Variants in USH2A observed in about 807,000 individuals in gnomAD.
The protein encoded by USH2A is Usher syndrome 2A (autosomal recessive, mild).
USH2A carries 443 observed loss-of-function variants against 538.9 expected under a neutral mutation model. That is an observed-to-expected ratio of 0.82 (90% confidence interval 0.76 to 0.89). The LOEUF (loss-of-function observed/expected upper bound fraction) is 0.89, where lower values mean the gene tolerates loss of function less well. USH2A is among the 40% of genes least tolerant of loss of function. The pLI is 0.00. For missense variants in USH2A, 6,633 were observed against 6,324.8 expected (o/e 1.05, Z -1.65); for synonymous variants, 2,413 against 2,273.5 (o/e 1.06, Z -1.75).
intron 4 of USH2A, among the ~76,000 whole-genome samples, chr1:216,357,163 T>G (rs1321789241): frequency 6.6e-6 from 1 of 152,134 alleles, no homozygotes; most frequent in Non-Finnish European, 1.5e-5. Flanking sequence ...TTTTACTTAG[T>G]ATGGTTGAGA....
rs760845108 is a variant in USH2A, at chr1:216,072,965, G to T, written c.5781C>A (p.Tyr1927Ter). ...CATGCGAGGCTATCACTCGATACAG[G>T]TATTCTTAAATGGAAATAAGATGCA... is the stretch of plus-strand genomic sequence containing the variant. ...YEGGLQPFTE[Y>*]LYRVIASHEG... The change falls in exon 29 of 72, where the codon TAC becomes TAA. Residue 1927 changes from tyrosine (Y) to a stop codon, truncating the protein, a stop_gained. Coordinates refer to ENST00000307340, the MANE Select transcript of USH2A (RefSeq NM_206933.4). LOFTEE classifies it high-confidence loss of function. 1 of 1,613,880 alleles carries T rather than the reference G, an allele frequency of 6.2e-7. No individual in the cohort carries two copies. Among genetic ancestry groups the T allele is most frequent in the Non-Finnish European group, 8.5e-7 (1 of 1,179,866 alleles).
chr1:216,270,541 T>C (rs1298120096), intron 11 of USH2A, among the ~76,000 whole-genome samples: 1 of 152,116 alleles, frequency 6.6e-6, no homozygotes, highest in Non-Finnish European at 1.5e-5. Context: ...ATGCACTCTG[T>C]GAGTTTTGAA....
chr1:215,680,090 G>T (rs1658174430), intron 62 of USH2A, 59 bp downstream of exon 62: 1 of 1,549,358 alleles, frequency 6.5e-7, no homozygotes, highest in African/African-American at 1.4e-5. Context: ...GGCATGTCAG[G>T]GCTCATCTAT....
At chr1:216,114,903 C>T (rs1181565153) in intron 21 of USH2A, among the ~76,000 whole-genome samples, 1 of 151,966 alleles carries the variant, frequency 6.6e-6, no homozygotes, top group Non-Finnish European at 1.5e-5. Flanking sequence ...TAGATAGATA[C>T]AGATACATAG....
chr1:216,362,960 T>G (rs929425006), intron 4 of USH2A, among the ~76,000 whole-genome samples: 6 of 150,836 alleles, frequency 4.0e-5, no homozygotes, highest in African/African-American at 1.2e-4. Context: ...AATAATAAAA[T>G]AATAATATTA....
intron 3 of USH2A, among the ~76,000 whole-genome samples, chr1:216,414,084 C>A (rs1178659598): frequency 6.6e-6 from 1 of 152,070 alleles, no homozygotes; most frequent in Non-Finnish European, 1.5e-5. Flanking sequence ...CAAAGGAAAT[C>A]TTATAACTAC....
chr1:216,202,423 T>A (rs1006908297), intron 16 of USH2A, among the ~76,000 whole-genome samples: 3 of 152,202 alleles, frequency 2.0e-5, no homozygotes, highest in African/African-American at 7.2e-5. Context: ...GTGAAAGATA[T>A]AAAAGCATTT....
intron 9 of USH2A, among the ~76,000 whole-genome samples, chr1:216,303,109 A>G (rs1430853944): frequency 6.6e-6 from 1 of 151,910 alleles, no homozygotes; most frequent in Non-Finnish European, 1.5e-5. Flanking sequence ...TTATTTATGG[A>G]TTGTTCAGGG....
At chr1:216,110,843 T>C (rs1258271729) in intron 21 of USH2A, among the ~76,000 whole-genome samples, 1 of 152,176 alleles carries the variant, frequency 6.6e-6, no homozygotes, top group Non-Finnish European at 1.5e-5. Flanking sequence ...TAAATGTTCA[T>C]AGAAAGGAAG....
At chr1:215,814,060 CATTCGA>C (rs1313885621) in intron 48 of USH2A, among the ~76,000 whole-genome samples, 156 bp from the exon 49 acceptor site, 1 of 151,454 alleles carries the variant, frequency 6.6e-6, no homozygotes, top group Non-Finnish European at 1.5e-5. Context: ...TTTCCAGGAT[CATTCGA>C]ATTTTATAAA....
intron 61 of USH2A, among the ~76,000 whole-genome samples, chr1:215,710,092 T>C (rs2246472): frequency 0.93 from 141,713 of 152,268 alleles, 66,135 homozygotes; most frequent in East Asian, 1. Flanking sequence ...TATGGGTACA[T>C]AGGGAACTCC....
intron 21 of USH2A, among the ~76,000 whole-genome samples, chr1:216,155,599 A>G (rs2033921932): frequency 6.6e-6 from 1 of 152,130 alleles, no homozygotes; most frequent in Non-Finnish European, 1.5e-5. Context: ...TCTGCCCACT[A>G]AATTATCCAT....
At chr1:216,405,196 AT>A (rs1443797371) in intron 3 of USH2A, among the ~76,000 whole-genome samples, 2 of 152,306 alleles carry the variant, frequency 1.3e-5, no homozygotes, top group South Asian at 2.1e-4. Flanking sequence ...AATAAAAAAA[AT>A]CTTTTAGAAA....
chr1:215,916,861 C>T (rs1167343351), intron 38 of USH2A, among the ~76,000 whole-genome samples: 5 of 152,088 alleles, frequency 3.3e-5, no homozygotes, highest in African/African-American at 1.2e-4. Flanking sequence ...CCTCCACCTC[C>T]ACCTCTCTTT....
intron 47 of USH2A, among the ~76,000 whole-genome samples, chr1:215,835,963 C>T (rs1416842): frequency 1.3e-5 from 2 of 151,948 alleles, no homozygotes; most frequent in Non-Finnish European, 2.9e-5. Flanking sequence ...TGGATACAAG[C>T]AATTTTTAAT....
At chr1:216,184,767 C>G (rs2034564633) in intron 20 of USH2A, among the ~76,000 whole-genome samples, 1 of 151,864 alleles carries the variant, frequency 6.6e-6, no homozygotes, top group Admixed American at 6.6e-5. Flanking sequence ...CACTCTGGCT[C>G]CTATTCACAA....
In USH2A at chr1:215,725,933, T is replaced by C. The variant is rs117373182; in HGVS notation, c.12066+2097A>G. ...ATACTTTAAATCTTGTGTTTTAAAA[T>C]GAAGCTGGTTATGAAGGGATGACTT... On this transcript the variant is annotated intron_variant, in intron 61 of 71. Transcript: ENST00000307340. Among the ~76,000 whole-genome samples, 76 of 152,340 alleles carry C rather than the reference T, an allele frequency of 5.0e-4. No individual in the cohort carries two copies. The East Asian group carries it at 0.011, about 23-fold the overall frequency.
chr1:216,120,219 CAAAAAAAAAAAAA>C (rs10525093), intron 21 of USH2A, among the ~76,000 whole-genome samples: 78 of 100,028 alleles, frequency 7.8e-4, no homozygotes, highest in South Asian at 2.5e-3. Context: ...TACTAAATAG[CAAAAAAAAAAAAA>C]AAAAAAAAAA....
intron 38 of USH2A, among the ~76,000 whole-genome samples, chr1:215,921,841 A>C (rs1666106346): frequency 6.6e-6 from 1 of 152,116 alleles, no homozygotes; most frequent in Non-Finnish European, 1.5e-5. Context: ...GAGGAGAATA[A>C]AATGAGTTAA....
Sources: gnomAD v4.1 joint callset for allele counts (sites outside exome capture counted in the v4.1 genomes callset) on GRCh38, gnomAD v4.1.1 for gene constraint, MANE v1.5 for transcripts, NCBI Gene and HGNC (gene_info 2026-07-23, HGNC 2026-07-21) for gene names.